The following NTNG1 variants were observed in gnomAD, a reference collection of about 807,000 sequenced individuals.
The protein encoded by NTNG1 is netrin-G1.
NTNG1 carries 16 observed loss-of-function variants against 54.0 expected under a neutral mutation model. The observed-to-expected ratio is 0.30, with a 90% CI of 0.20 to 0.45. The LOEUF is 0.45. Among genes scored for constraint, NTNG1 ranks in the 20% least tolerant of loss-of-function variants. The probability of loss-of-function intolerance (pLI) is 1.00; values close to 1 mark genes in which losing one functional copy is unlikely to be tolerated. For missense variants in NTNG1, 530 were observed against 678.7 expected, an observed-to-expected ratio of 0.78 and a Z score of 2.43; for synonymous variants, 255 against 263.1, an observed-to-expected ratio of 0.97 and a Z score of 0.30.
intron 2 of NTNG1, among the ~76,000 whole-genome samples, chr1:107,209,868 G>A (rs76951919): frequency 5.3e-5 from 8 of 150,818 alleles, no homozygotes; most frequent in African/African-American, 1.5e-4. Context: ...GTCCATCACC[G>A]TTCTTTCTGT....
intron 2 of NTNG1, among the ~76,000 whole-genome samples, chr1:107,187,271 G>T (rs1362922546): frequency 6.6e-6 from 1 of 152,022 alleles, no homozygotes; most frequent in Non-Finnish European, 1.5e-5. Context: ...AGCACCCAAT[G>T]CAGTACTTGG....
intron 5 of NTNG1, chr1:107,409,319 T>C (rs1428448724): frequency 6.6e-6 from 1 of 152,218 alleles, no homozygotes; most frequent in East Asian, 1.9e-4. Context: ...TATAGTGATC[T>C]GGCCTGTCAG....
At chr1:107,396,085 A>G (rs1214085880) in intron 4 of NTNG1, among the ~76,000 whole-genome samples, 6 of 152,186 alleles carry the variant, frequency 3.9e-5, no homozygotes, top group Admixed American at 1.3e-4. Context: ...AATTTGCCCA[A>G]TTCCATGGAT....
At chr1:107,449,834 T>A (rs1457848754) in intron 7 of NTNG1, among the ~76,000 whole-genome samples, 1 of 152,238 alleles carries the variant, frequency 6.6e-6, no homozygotes, top group East Asian at 1.9e-4. Context: ...TGAAAAGAAC[T>A]GAAAACTTAA....
At chr1:107,256,571 C>T (rs1392391237) in intron 2 of NTNG1, among the ~76,000 whole-genome samples, 1 of 152,084 alleles carries the variant, frequency 6.6e-6, no homozygotes, top group Non-Finnish European at 1.5e-5. Flanking sequence ...CAGAAGGTGT[C>T]CCAAGGGAAG....
chr1:107,165,148 C>G (rs1398006289), intron 2 of NTNG1, among the ~76,000 whole-genome samples: 1 of 151,910 alleles, frequency 6.6e-6, no homozygotes, highest in Non-Finnish European at 1.5e-5. Context: ...AAGCAGGTGA[C>G]CAAGGGAACA....
chr1:107,374,341 T>A (rs1464212038), intron 3 of NTNG1, among the ~76,000 whole-genome samples: 1 of 152,192 alleles, frequency 6.6e-6, no homozygotes, highest in African/African-American at 2.4e-5. Context: ...TCTCTCTCTC[T>A]TCTCCTTTGA....
chr1:107,346,623 T>A (rs547641019), intron 3 of NTNG1, among the ~76,000 whole-genome samples: 5 of 152,250 alleles, frequency 3.3e-5, no homozygotes, highest in Admixed American at 6.5e-5. Flanking sequence ...ATATCCAAGA[T>A]AAAATGTTCA....
intron 2 of NTNG1, among the ~76,000 whole-genome samples, chr1:107,270,010 A>G (rs911490569): frequency 2.6e-5 from 4 of 152,240 alleles, no homozygotes; most frequent in East Asian, 3.8e-4. Context: ...AATATTACTC[A>G]AAGTATGCCA....
At chr1:107,461,181 G>A (rs1468560548) in intron 7 of NTNG1, among the ~76,000 whole-genome samples, 1 of 152,200 alleles carries the variant, frequency 6.6e-6, no homozygotes, top group Non-Finnish European at 1.5e-5. Context: ...CTCATACACT[G>A]GTGGGAGGCA....
intron 3 of NTNG1, among the ~76,000 whole-genome samples, chr1:107,370,563 T>TCCATCCTCTAG (rs1553234091): frequency 7.2e-5 from 11 of 151,874 alleles, no homozygotes; most frequent in Admixed American, 5.9e-4. Context: ...CTTAGGCCTT[T>TCCATCCTCTAG]CCATCCTCTA....
At chr1:107,202,675 C>T in intron 2 of NTNG1, among the ~76,000 whole-genome samples, 1 of 151,948 alleles carries the variant, frequency 6.6e-6, no homozygotes, top group East Asian at 1.9e-4. Context: ...AATTTACTTA[C>T]AGTAGCATTC....
At chr1:107,480,569 T>TGCCCCCCCCCCC in intron 7 of NTNG1, 42 bp from the exon 8 acceptor site, 3 of 609,594 alleles carry the variant, frequency 4.9e-6, no homozygotes, top group Non-Finnish European at 6.2e-6. Context: ...CTGCTTCTCC[T>TGCCCCCCCCCCC]CCCCGCGCCC....
intron 7 of NTNG1, among the ~76,000 whole-genome samples, chr1:107,470,578 A>C (rs529120432): frequency 6.6e-6 from 1 of 152,332 alleles, no homozygotes; most frequent in East Asian, 1.9e-4. Flanking sequence ...ATCCTGGCAC[A>C]ATGCCATGTA....
chr1:107,300,298 T>G (rs2101800669), intron 2 of NTNG1, among the ~76,000 whole-genome samples: 1 of 152,318 alleles, frequency 6.6e-6, no homozygotes, highest in South Asian at 2.1e-4. Flanking sequence ...TGTTAATTTT[T>G]AAATACTGAG....
chr1:107,426,121 G>T (rs576705479), intron 5 of NTNG1, among the ~76,000 whole-genome samples: 9 of 152,016 alleles, frequency 5.9e-5, no homozygotes, highest in Non-Finnish European at 1.0e-4. Flanking sequence ...CCATTCTGTA[G>T]GTTGTCTGTT....
chr1:107,239,300 A>C (rs1360216856), intron 2 of NTNG1, among the ~76,000 whole-genome samples: 1 of 152,224 alleles, frequency 6.6e-6, no homozygotes, highest in Non-Finnish European at 1.5e-5. Context: ...CTTTGTCTCA[A>C]ATCAGTCTTC....
chr1:107,363,915 G>T lies in NTNG1; in HGVS notation c.888-31239G>T, dbSNP rs1670435893. Among the ~76,000 whole-genome samples the T allele has an allele frequency of 2.0e-5, 3 of 152,016 alleles. No individual in the cohort carries two copies. In the South Asian group the frequency reaches 6.2e-4, roughly 32 times the overall value. On this transcript the variant is annotated intron_variant, in intron 3 of 7. Transcript: ENST00000370068. ...CACTATTGTTTTGATCAGTTATTTT[G>T]TGTTGTTGGTCTAGGTAACATTTGG...
chr1:107,367,730 T>A (rs953352632), intron 3 of NTNG1, among the ~76,000 whole-genome samples: 1 of 152,000 alleles, frequency 6.6e-6, no homozygotes, highest in Non-Finnish European at 1.5e-5. Context: ...TTTCTGTCTG[T>A]TTGTTTGGTT....
Sources: allele counts gnomAD v4.1 joint callset (sites outside exome capture counted in the v4.1 genomes callset), GRCh38; gene constraint gnomAD v4.1.1; transcripts MANE v1.5; gene names NCBI Gene and HGNC (gene_info 2026-07-23, HGNC 2026-07-21).